SNRNP48: variants seen among roughly 807,000 people sequenced by gnomAD.
SNRNP48 encodes small nuclear ribonucleoprotein U11/U12 subunit 48.
Under a neutral mutation model 47.0 loss-of-function variants are expected in SNRNP48, and 43 were observed. The observed-to-expected ratio is 0.92, with a 90% CI of 0.72 to 1.18. The LOEUF is 1.18. SNRNP48 is among the 50% of genes most tolerant of loss of function. The probability of loss-of-function intolerance (pLI) is 0.00; values close to 1 mark genes in which losing one functional copy is unlikely to be tolerated. For missense variants in SNRNP48, 396 were observed against 422.2 expected (o/e 0.94, Z 0.54); for synonymous variants, 138 against 144.0 (o/e 0.96, Z 0.30).
At chr6:7,601,314 T>C in intron 4 of SNRNP48, 22 bp from the exon 5 acceptor site, 1 of 1,541,208 alleles carries the variant, frequency 6.5e-7, no homozygotes, top group African/African-American at 1.4e-5. Flanking sequence ...TGTTTATTCT[T>C]GTGATTTTAT....
chr6:7,594,762 A>C (rs973595871), intron 3 of SNRNP48, among the ~76,000 whole-genome samples: 1 of 152,196 alleles, frequency 6.6e-6, no homozygotes, highest in Admixed American at 6.5e-5. Flanking sequence ...AATGTTAGCT[A>C]TTATTGGTCA....
chr6:7,609,083 T>G lies in SNRNP48; in HGVS notation c.*210T>G. 3.3e-6 allele frequency: 1 copy of G among 303,980 alleles called. No homozygotes were observed. Among genetic ancestry groups the G allele is most frequent in the East Asian group, 4.9e-5 (1 of 20,586 alleles). 18.8% of individuals were successfully genotyped at this position (303,980 alleles called of 1,614,324 possible). A position where few individuals can be genotyped will look rare whatever the true frequency, so the allele number is the denominator to read the frequency against. ...TTAGGCCCTACAACTTTGTTTTCCT[T>G]ATATTTTATTAGATGATTTGCTTCC... On this transcript the variant is annotated 3_prime_UTR_variant, in exon 9 of 9. Transcript: ENST00000342415.
chr6:7,602,502 A>G, intron 5 of SNRNP48, 121 bp from the exon 6 acceptor site: 1 of 732,286 alleles, frequency 1.4e-6, no homozygotes, highest in East Asian at 3.1e-5. Context: ...CAATTTTTAG[A>G]ATGTTTTTAT....
intron 1 of SNRNP48, 40 bp downstream of exon 1, chr6:7,590,453 G>C: frequency 3.9e-6 from 5 of 1,270,064 alleles, no homozygotes; most frequent in Non-Finnish European, 5.0e-6. Flanking sequence ...GGGACTATCG[G>C]CCCGGGGTCT....
rs1429597625 is a variant in SNRNP48 at position 7,606,052 on chromosome 6, T to G, written c.828T>G (p.Ala276=). The G allele has an allele frequency of 1.2e-6, 2 of 1,602,696 alleles. No homozygotes were observed. The highest frequency in any genetic ancestry group is 2.7e-5 in the African/African-American group (2 of 73,788). Residue 276 remains alanine, a synonymous_variant, in exon 8 of 9, where the codon GCT becomes GCG. Coordinates refer to ENST00000342415, the MANE Select transcript of SNRNP48 (RefSeq NM_152551.4). The part of the protein sequence containing the change: ...DAEKNEERRS[A]SVDSRQSGGS... The stretch of plus-strand genomic sequence containing the variant: ...TTAGGAATGAAGAAAGGCGATCAGC[T>G]TCAGTAGATTCACGGCAGTCTGGTG...
chr6:7,606,196 G>A lies in SNRNP48; in HGVS notation c.971+1G>A, dbSNP rs1004240647. ...GTGAGTCGAGAAGAAGGAAAGAGAG[G>A]TGGGTCTAACCCTGCATCATCCAAC... On this transcript the variant is annotated splice_donor_variant, in intron 8 of 8. Transcript: ENST00000342415. LOFTEE classifies it high-confidence loss of function. 1 of 1,607,560 alleles carries A rather than the reference G, an allele frequency of 6.2e-7. No individual in the cohort carries two copies. The highest frequency in any genetic ancestry group is 8.5e-7 in the Non-Finnish European group (1 of 1,177,610).
Position 7,608,799 on chromosome 6 carries a change from A to AT in SNRNP48, c.972-19dup, listed in dbSNP as rs749765489. On this transcript the variant is annotated intron_variant, in intron 8 of 8. Transcript: ENST00000342415. ...ATTAAAATGTCCATCATTTATAACC[A>AT]TTTTTTTATACCTCTTTTATTTCAG... 2.4e-5 allele frequency: 35 copies of AT among 1,431,834 alleles called. No individual in the cohort carries two copies. The African/African-American group carries it at 2.5e-4, about 10-fold the overall frequency. The allele number at this position is 1,431,834 out of a possible 1,614,324, so 88.7% of individuals were successfully genotyped here.
At chr6:7,594,309 G>A (rs1759867405) in intron 3 of SNRNP48, 150 bp downstream of exon 3, 2 of 427,704 alleles carry the variant, frequency 4.7e-6, no homozygotes, top group Non-Finnish European at 8.4e-6. Flanking sequence ...AATGTACAAG[G>A]CAACTAATTC....
intron 1 of SNRNP48, among the ~76,000 whole-genome samples, chr6:7,593,061 G>A (rs1037498446): frequency 3.3e-5 from 5 of 151,848 alleles, no homozygotes; most frequent in Non-Finnish European, 2.9e-5. Context: ...TTTAATATAC[G>A]GTACTGGAGA....
rs76887687 is a variant in SNRNP48 at position 7,604,876 on chromosome 6, T to G, written c.718-522T>G. Among the ~76,000 whole-genome samples the G allele has an allele frequency of 5.1e-4, 77 of 152,304 alleles. No homozygotes were observed. In the East Asian group the frequency reaches 0.012, roughly 23 times the overall value. ...TCAAGATGACTTAATTATAAGGTTT[T>G]AAAAAAATCATTTGTAAATAAGCTC... On this transcript the variant is annotated intron_variant, in intron 6 of 8. Transcript: ENST00000342415.
intron 4 of SNRNP48, among the ~76,000 whole-genome samples, chr6:7,597,121 C>T (rs1295411029): frequency 6.6e-6 from 1 of 152,064 alleles, no homozygotes; most frequent in Non-Finnish European, 1.5e-5. Flanking sequence ...ATAAGTTGAA[C>T]GATATTTTCC....
chr6:7,607,146 C>T (rs572335979), intron 8 of SNRNP48, among the ~76,000 whole-genome samples: 31 of 152,258 alleles, frequency 2.0e-4, no homozygotes, highest in Admixed American at 1.4e-3. Flanking sequence ...GGCAAAACCT[C>T]GTCTCTACAA....
rs1052491824 is a variant in SNRNP48 at position 7,606,327 on chromosome 6, C to T, written c.971+132C>T. On this transcript the variant is annotated intron_variant, in intron 8 of 8. Transcript: ENST00000342415. ...TAAAGTAAGGAGAGTAAACAATTGA[C>T]GATGATTCTTAACATTCATTATAGT... 15 of 899,858 alleles carry T rather than the reference C, an allele frequency of 1.7e-5. No individual in the cohort carries two copies. The African/African-American group carries it at 1.7e-4, about 10-fold the overall frequency. 55.7% of individuals were successfully genotyped at this position (899,858 alleles called of 1,614,324 possible). A position where few individuals can be genotyped will look rare whatever the true frequency, so the allele number is the denominator to read the frequency against.
In SNRNP48 at chr6:7,593,826, G is replaced by T. The variant is rs769683246; in HGVS notation, c.249G>T (p.Met83Ile). The T allele has an allele frequency of 5.7e-6, 9 of 1,589,298 alleles. No homozygotes were observed. Among genetic ancestry groups the T allele is most frequent in the African/African-American group, 5.4e-5 (4 of 73,920 alleles). Residue 83 changes from methionine (M) to isoleucine (I), a missense_variant, in exon 2 of 9, where the codon ATG (methionine) becomes ATT (isoleucine). Transcript: ENST00000342415. The stretch of plus-strand genomic sequence containing the variant: ...TGGCATCTTGTAGATTGAGGAAAAT[G>T]GGCTATACCAAAGAAGAAGAGGTAC... ...KHMASCRLRK[M>I]GYTKEEEDEM...
chr6:7,608,857 G>T lies in SNRNP48; in HGVS notation c.1004G>T (p.Arg335Ile), dbSNP rs1395270376. 1.3e-6 allele frequency: 2 copies of T among 1,517,178 alleles called. No individual in the cohort carries two copies. The highest frequency in any genetic ancestry group is 1.8e-6 in the Non-Finnish European group (2 of 1,113,722). 94.0% of individuals were successfully genotyped at this position (1,517,178 alleles called of 1,614,324 possible). A position where few individuals can be genotyped will look rare whatever the true frequency, so the allele number is the denominator to read the frequency against. The change falls in exon 9 of 9, where the codon AGA (arginine) becomes ATA (isoleucine). Residue 335 changes from arginine (R) to isoleucine (I), a missense_variant. By Grantham distance (97) the Arg-to-Ile change is moderately conservative. Transcript: ENST00000342415. ...DGERHHSHKRRKQKI is the reference protein window; with the variant it reads ...DGERHHSHKRIKQKI ...GAAAGACACCATAGTCATAAAAGAA[G>T]AAAGCAAAAAATATAAATGAAGTAC... is the stretch of plus-strand genomic sequence containing the variant.
chr6:7,608,029 TTAAA>T, intron 8 of SNRNP48, among the ~76,000 whole-genome samples: 1 of 152,240 alleles, frequency 6.6e-6, no homozygotes, highest in East Asian at 1.9e-4. Context: ...CCCTGTTGAC[TTAAA>T]TACATTAGAA....
chr6:7,611,498 A>T lies in SNRNP48; in HGVS notation c.*2625A>T, dbSNP rs1760234320. ...CTTTAATTGAGATATTGGCAAGTCA[A>T]CTGCCATGCAGAGCCCAGGGCACTG... is the stretch of plus-strand genomic sequence containing the variant. On this transcript the variant is annotated 3_prime_UTR_variant, in exon 9 of 9. Transcript: ENST00000342415. The T allele has an allele frequency of 6.6e-6, 1 of 152,186 alleles. No individual in the cohort carries two copies. Among genetic ancestry groups the T allele is most frequent in the Non-Finnish European group, 1.5e-5 (1 of 68,036 alleles). 9.4% of individuals were successfully genotyped at this position (152,186 alleles called of 1,614,324 possible).
At chr6:7,601,055 C>G (rs1478859182) in intron 4 of SNRNP48, 2 of 243,318 alleles carry the variant, frequency 8.2e-6, no homozygotes, top group African/African-American at 4.5e-5. Flanking sequence ...CAAATTGTCT[C>G]TTATGATTAT....
Position 7,594,088 on chromosome 6 carries a change from T to G in SNRNP48, c.271-11T>G. On this transcript the variant is annotated splice_polypyrimidine_tract_variant and intron_variant, in intron 2 of 8. Coordinates refer to ENST00000342415, the MANE Select transcript of SNRNP48 (RefSeq NM_152551.4). Reference sequence around the variant, plus strand: ...CTGATACTTAAGAACAGTAAGATTCTTTTTTTTCAGGATGAAATGTATAAT... The same window carrying G: ...CTGATACTTAAGAACAGTAAGATTCGTTTTTTTCAGGATGAAATGTATAAT... The G allele has an allele frequency of 7.2e-7, 1 of 1,392,296 alleles. No individual in the cohort carries two copies. The highest frequency in any genetic ancestry group is 9.7e-7 in the Non-Finnish European group (1 of 1,028,420). 86.2% of individuals were successfully genotyped at this position (1,392,296 alleles called of 1,614,324 possible).
Sources: allele counts gnomAD v4.1 joint callset (sites outside exome capture counted in the v4.1 genomes callset), GRCh38; gene constraint gnomAD v4.1.1; transcripts MANE v1.5; gene names NCBI Gene and HGNC (gene_info 2026-07-23, HGNC 2026-07-21).